STYK1: variants seen among roughly 807,000 people sequenced by gnomAD.
STYK1 encodes the protein STY kinase 1.
STYK1 carries 46 observed loss-of-function variants against 48.1 expected under a neutral mutation model. The observed-to-expected ratio is 0.96, with a 90% CI of 0.75 to 1.22. The LOEUF is 1.22. Ranked by LOEUF, STYK1 falls within the 50% of genes most tolerant of loss-of-function variation. STYK1 has a pLI of 0.00. For synonymous variants in STYK1, 188 were observed against 189.0 expected (o/e 0.99, Z 0.04); for missense variants, 527 against 521.1 (o/e 1.01, Z -0.11).
chr12:10,620,239 C>A lies in STYK1; in HGVS notation c.1174G>T (p.Val392Leu), dbSNP rs142457407. Reference protein sequence around the residue: ...AAIKTADDEAVLQVPELVVPE... With the variant: ...AAIKTADDEALLQVPELVVPE... ...ACCACCAACTCTGGTACTTGTAACACAGCCTCGTCATCTGCAGTTTTAATG... is the reference window on the plus strand; with the variant it reads ...ACCACCAACTCTGGTACTTGTAACAAAGCCTCGTCATCTGCAGTTTTAATG... The change falls in exon 11 of 11, where the codon GTG becomes TTG. Residue 392 changes from valine to leucine, a missense_variant. Val to Leu is a conservative substitution (Grantham distance 32, BLOSUM62 1). Coordinates refer to ENST00000075503, the MANE Select transcript of STYK1 (RefSeq NM_018423.3). The A allele has an allele frequency of 1.2e-6, 2 of 1,613,802 alleles. No individual in the cohort carries two copies. The highest frequency in any genetic ancestry group is 2.7e-5 in the African/African-American group (2 of 74,942).
chr12:10,629,204 C>T (rs1392205393), intron 6 of STYK1, among the ~76,000 whole-genome samples: 1 of 152,178 alleles, frequency 6.6e-6, no homozygotes, highest in Admixed American at 6.5e-5. Flanking sequence ...GCTATTTAAA[C>T]TTATATTACT....
intron 1 of STYK1, among the ~76,000 whole-genome samples, chr12:10,658,605 G>A (rs1947744029): frequency 6.6e-6 from 1 of 152,042 alleles, no homozygotes; most frequent in Admixed American, 6.6e-5. Context: ...GGTAAATTAT[G>A]TCTTTTTCTG....
intron 1 of STYK1, among the ~76,000 whole-genome samples, chr12:10,638,806 T>C (rs989608369): frequency 6.6e-6 from 1 of 152,232 alleles, no homozygotes; most frequent in East Asian, 1.9e-4. Context: ...AAAAATTCCA[T>C]GATTGAACTC....
chr12:10,630,724 G>A (rs1179038571), intron 5 of STYK1, among the ~76,000 whole-genome samples: 3 of 151,582 alleles, frequency 2.0e-5, no homozygotes, highest in South Asian at 2.1e-4. Context: ...ACTACACAAA[G>A]TACAGAAGGA....
At chr12:10,667,982 G>A (rs1204065609) in intron 1 of STYK1, among the ~76,000 whole-genome samples, 6 of 152,140 alleles carry the variant, frequency 3.9e-5, no homozygotes, top group South Asian at 2.1e-4. Flanking sequence ...TTAAGCCAAC[G>A]GATGGATAGA....
intron 6 of STYK1, 98 bp from the exon 7 acceptor site, chr12:10,627,822 C>G: frequency 9.8e-7 from 1 of 1,016,122 alleles, no homozygotes; most frequent in Non-Finnish European, 1.4e-6. Flanking sequence ...ATGCAGTTAT[C>G]AAAGCTTTGA....
chr12:10,665,195 A>G (rs774219538), intron 1 of STYK1, among the ~76,000 whole-genome samples: 2 of 152,242 alleles, frequency 1.3e-5, no homozygotes, highest in Non-Finnish European at 2.9e-5. Context: ...CACGCTGTAA[A>G]TGAGGTAACC....
At chr12:10,648,752 G>A (rs1174856941) in intron 1 of STYK1, among the ~76,000 whole-genome samples, 2 of 151,994 alleles carry the variant, frequency 1.3e-5, no homozygotes, top group African/African-American at 4.8e-5. Flanking sequence ...TTTTTGTAAA[G>A]ATGGGGCCTT....
At chr12:10,629,794 G>A (rs1434628882) in intron 5 of STYK1, 120 bp from the exon 6 acceptor site, 3 of 1,059,646 alleles carry the variant, frequency 2.8e-6, no homozygotes, top group East Asian at 4.9e-5. Context: ...AGTGAATGAA[G>A]GCAAAAATAA....
chr12:10,631,421 T>C (rs569702596), intron 4 of STYK1, 113 bp from the exon 5 acceptor site: 5 of 1,366,876 alleles, frequency 3.7e-6, no homozygotes, highest in Non-Finnish European at 4.0e-6. Context: ...CTTTGGCCAA[T>C]GGGGAGTTGT....
intron 1 of STYK1, among the ~76,000 whole-genome samples, chr12:10,649,383 G>A (rs1947635037): frequency 6.6e-6 from 1 of 152,134 alleles, no homozygotes. Flanking sequence ...GTTGGACCAT[G>A]GAATACTACA....
At position 10,627,631 on chromosome 12, in the gene STYK1, C is replaced by T. The variant is rs750578721; in HGVS notation, c.717+10G>A. 1.9e-6 allele frequency: 3 copies of T among 1,609,770 alleles called. No individual in the cohort carries two copies. The highest frequency in any genetic ancestry group is 2.5e-6 in the Non-Finnish European group (3 of 1,178,590). ...GTCACACCATCAGTTGTCATGTTGCCTCATCTTACCAGCGCCAAAAGGACC... is the reference window on the plus strand; with the variant it reads ...GTCACACCATCAGTTGTCATGTTGCTTCATCTTACCAGCGCCAAAAGGACC... On this transcript the variant is annotated intron_variant, in intron 7 of 10. Transcript: ENST00000075503.
chr12:10,668,539 C>CTTTTTT (rs55897413), intron 1 of STYK1, among the ~76,000 whole-genome samples: 90 of 46,526 alleles, frequency 1.9e-3, no homozygotes, highest in African/African-American at 2.5e-3. Context: ...CCACACCTGG[C>CTTTTTT]TTTTTTTTTT....
At position 10,647,285 on chromosome 12, in the gene STYK1, C is replaced by T. The variant is rs112595698; in HGVS notation, c.-194-10089G>A. 5.0e-3 allele frequency among the ~76,000 whole-genome samples: 755 copies of T among 152,308 alleles called. 4 individuals are homozygous for T. The highest frequency in any genetic ancestry group is 7.6e-3 in the Non-Finnish European group (514 of 68,020). ...GCCTCAGCAGCAGAGCTGCCCAAGA[C>T]CATGGGAACCCCCCTCTGGAATCAC... On this transcript the variant is annotated intron_variant, in intron 1 of 10. Transcript: ENST00000075503.
At chr12:10,669,893 A>G (rs1222808462) in intron 1 of STYK1, among the ~76,000 whole-genome samples, 2 of 152,196 alleles carry the variant, frequency 1.3e-5, no homozygotes, top group South Asian at 2.1e-4. Flanking sequence ...AACATCACTG[A>G]TCATCAGGGA....
intron 2 of STYK1, among the ~76,000 whole-genome samples, chr12:10,635,647 C>A (rs1411782133): frequency 6.6e-6 from 1 of 152,104 alleles, no homozygotes; most frequent in Non-Finnish European, 1.5e-5. Context: ...ATATTTCTCC[C>A]CCCCATTCTT....
rs1947400238 is a variant in STYK1, at chr12:10,629,665, C to A, written c.461G>T (p.Gly154Val). The change falls in exon 6 of 11, where the codon GGG (glycine) becomes GTG (valine). Residue 154 changes from glycine (G) to valine (V), a missense_variant. Coordinates refer to ENST00000075503, the MANE Select transcript of STYK1 (RefSeq NM_018423.3). The stretch of plus-strand genomic sequence containing the variant: ...TAAGAAATCTTGTACCTCATGGAGC[C>A]CAGCTGGTTCTGTAGAGGACGAAAG... ...VILKALKEPA[G>V]LHEVQDFLGR... The A allele has an allele frequency of 2.5e-6, 4 of 1,613,984 alleles. No homozygotes were observed. In the African/African-American group the frequency reaches 5.3e-5, roughly 22 times the overall value.
intron 4 of STYK1, 132 bp downstream of exon 4, chr12:10,633,858 G>C (rs1947455680): frequency 9.1e-7 from 1 of 1,103,038 alleles, no homozygotes. Flanking sequence ...CAACTCCATG[G>C]GAGGGAACCC....
At chr12:10,622,270 G>A (rs1170328224) in intron 9 of STYK1, among the ~76,000 whole-genome samples, 1 of 152,208 alleles carries the variant, frequency 6.6e-6, no homozygotes, top group Non-Finnish European at 1.5e-5. Context: ...ACATGGGAAA[G>A]TGTGCAGTTT....
Sources: gnomAD v4.1 joint callset for allele counts (sites outside exome capture counted in the v4.1 genomes callset) on GRCh38, gnomAD v4.1.1 for gene constraint, MANE v1.5 for transcripts, NCBI Gene and HGNC (gene_info 2026-07-23, HGNC 2026-07-21) for gene names.